PCNX1: variants seen among roughly 807,000 people sequenced by gnomAD.
PCNX1 encodes the protein pecanex-like protein 1.
PCNX1 carries 78 observed loss-of-function variants against 242.2 expected under a neutral mutation model. The observed-to-expected ratio is 0.32, with a 90% CI of 0.27 to 0.39. The LOEUF (loss-of-function observed/expected upper bound fraction) is 0.39. Among genes scored for constraint, PCNX1 ranks in the 10% least tolerant of loss-of-function variants. The pLI, the probability that PCNX1 is intolerant of heterozygous loss-of-function variation, is 1.00. For missense variants in PCNX1, 2,581 were observed against 2,856.5 expected (o/e 0.90, Z 2.20); for synonymous variants, 1,024 against 1,032.9 (o/e 0.99, Z 0.17).
Position 71,089,350 on chromosome 14 carries a change from G to A in PCNX1, c.5589+8G>A, listed in dbSNP as rs1215593694. Reference sequence around the variant, plus strand: ...TCCATTAAACTTCATCAGGTAAGAAGATGAGATTTTTCTAATTCATTACTG... The same window carrying A: ...TCCATTAAACTTCATCAGGTAAGAAAATGAGATTTTTCTAATTCATTACTG... On this transcript the variant is annotated splice_region_variant and intron_variant, in intron 30 of 35. Transcript: ENST00000304743. The A allele has an allele frequency of 6.2e-7, 1 of 1,603,668 alleles. No homozygotes were observed. The highest frequency in any genetic ancestry group is 8.5e-7 in the Non-Finnish European group (1 of 1,173,374).
At chr14:70,968,938 G>A (rs2058459797) in intron 4 of PCNX1, 83 bp from the exon 5 acceptor site, 2 of 760,750 alleles carry the variant, frequency 2.6e-6, no homozygotes, top group Non-Finnish European at 2.3e-6. Context: ...AGTACTCCTT[G>A]ATGTATTAAT....
chr14:70,908,070 G>T, intron 1 of PCNX1, 67 bp downstream of exon 1: 1 of 1,435,552 alleles, frequency 7.0e-7, no homozygotes. Context: ...CTGGGGTCGC[G>T]CCCTCTTCCT....
intron 19 of PCNX1, among the ~76,000 whole-genome samples, chr14:71,039,375 C>T (rs903506055): frequency 1.3e-5 from 2 of 152,200 alleles, no homozygotes; most frequent in Non-Finnish European, 2.9e-5. Flanking sequence ...TTACATGCCT[C>T]AGTTCCTTCT....
chr14:71,077,086 G>A (rs2061736200), intron 28 of PCNX1, among the ~76,000 whole-genome samples: 1 of 152,156 alleles, frequency 6.6e-6, no homozygotes, highest in African/African-American at 2.4e-5. Flanking sequence ...CTCTGATCTA[G>A]GTCTAGGCTG....
intron 11 of PCNX1, among the ~76,000 whole-genome samples, chr14:71,016,834 C>T (rs2059973720): frequency 6.6e-6 from 1 of 151,872 alleles, no homozygotes; most frequent in South Asian, 2.1e-4. Flanking sequence ...CACATAAGCC[C>T]AAGTAAACAA....
intron 26 of PCNX1, among the ~76,000 whole-genome samples, chr14:71,060,050 C>T (rs909783035): frequency 3.9e-5 from 6 of 152,174 alleles, no homozygotes; most frequent in Non-Finnish European, 7.3e-5. Context: ...ACCTATCCCA[C>T]GTGATTATCT....
chr14:70,980,673 T>G (rs2058811736), intron 6 of PCNX1, among the ~76,000 whole-genome samples: 1 of 152,124 alleles, frequency 6.6e-6, no homozygotes, highest in Non-Finnish European at 1.5e-5. Flanking sequence ...GGGATTTGTT[T>G]TGGTTCTTAT....
intron 26 of PCNX1, among the ~76,000 whole-genome samples, chr14:71,064,497 A>G (rs2061400481): frequency 6.6e-6 from 1 of 152,194 alleles, no homozygotes; most frequent in South Asian, 2.1e-4. Context: ...ACTAACAGTG[A>G]TCTGCACAAA....
intron 1 of PCNX1, among the ~76,000 whole-genome samples, chr14:70,938,516 G>T (rs1259130178): frequency 1.3e-5 from 2 of 152,164 alleles, no homozygotes; most frequent in Non-Finnish European, 2.9e-5. Flanking sequence ...TTGATGTGCT[G>T]CTGGATTCGG....
In PCNX1 at chr14:70,977,584, A is replaced by G. The variant is rs1317317467; in HGVS notation, c.1247A>G (p.Glu416Gly). The G allele has an allele frequency of 6.2e-7, 1 of 1,614,096 alleles. No homozygotes were observed. The highest frequency in any genetic ancestry group is 8.5e-7 in the Non-Finnish European group (1 of 1,180,048). The change falls in exon 6 of 36, where the codon GAG becomes GGG. Residue 416 changes from glutamate (E) to glycine (G), a missense_variant. By Grantham distance (98) the Glu-to-Gly change is moderately conservative. This residue lies in a region of PCNX1 where 1,204 missense variants were observed against 1,216.7 expected (regional missense o/e 0.99). Coordinates refer to ENST00000304743, the MANE Select transcript of PCNX1 (RefSeq NM_014982.3). ...ACTCACATAGAGAGCATCCTGTCAG[A>G]GCATGAGGAGTCTCCTAAAGCAGGA... ...SSTHIESILS[E>G]HEESPKAGTK...
chr14:71,108,083 C>CT (rs1156591835), intron 33 of PCNX1, among the ~76,000 whole-genome samples: 1 of 152,160 alleles, frequency 6.6e-6, no homozygotes, highest in African/African-American at 2.4e-5. Context: ...ACTCTGTACC[C>CT]TTTGACCAAC....
intron 21 of PCNX1, 139 bp from the exon 22 acceptor site, chr14:71,047,668 T>C: frequency 1.6e-6 from 1 of 612,630 alleles, no homozygotes; most frequent in Non-Finnish European, 2.8e-6. Flanking sequence ...TTTACCTAGC[T>C]CTATACATCA....
In PCNX1 at chr14:71,112,282, T is replaced by G. The variant is rs756888209; in HGVS notation, c.*2347T>G. 9 of 152,116 alleles carry G rather than the reference T, an allele frequency of 5.9e-5. No homozygotes were observed. Among genetic ancestry groups the G allele is most frequent in the Non-Finnish European group, 1.2e-4 (8 of 67,944 alleles). 9.4% of individuals were successfully genotyped at this position (152,116 alleles called of 1,614,324 possible). On this transcript the variant is annotated 3_prime_UTR_variant, in exon 36 of 36. Transcript: ENST00000304743. ...ATCACATACTCTGAAAAGTCAGATTTCAAATGCAAGACTAGACTTTATATG... is the reference window on the plus strand; with the variant it reads ...ATCACATACTCTGAAAAGTCAGATTGCAAATGCAAGACTAGACTTTATATG...
At chr14:71,052,636 A>G (rs61990412) in intron 24 of PCNX1, among the ~76,000 whole-genome samples, 2,166 of 152,314 alleles carry the variant, frequency 0.014, 24 homozygotes, top group Middle Eastern at 0.034. Flanking sequence ...TTTATGCTAT[A>G]TAATATCGTT....
intron 2 of PCNX1, among the ~76,000 whole-genome samples, chr14:70,949,222 GATAT>G (rs1218471471): frequency 2.4e-4 from 30 of 125,000 alleles, no homozygotes; most frequent in African/African-American, 8.3e-4. Flanking sequence ...TGTATATATA[GATAT>G]ATGTATGTGT....
At chr14:70,924,244 AAAAAAG>A (rs2056497333) in intron 1 of PCNX1, among the ~76,000 whole-genome samples, 1 of 151,606 alleles carries the variant, frequency 6.6e-6, no homozygotes, top group East Asian at 1.9e-4. Flanking sequence ...AAAAAAAAAA[AAAAAAG>A]AAAAAGAAAA....
chr14:70,979,963 CTT>C (rs372868612), intron 6 of PCNX1, among the ~76,000 whole-genome samples: 11 of 136,554 alleles, frequency 8.1e-5, no homozygotes, highest in Non-Finnish European at 9.6e-5. Flanking sequence ...ATAGTTCTCT[CTT>C]TTTTTTTTTT....
intron 11 of PCNX1, among the ~76,000 whole-genome samples, chr14:71,015,809 A>G (rs938654417): frequency 6.6e-6 from 1 of 152,210 alleles, no homozygotes; most frequent in Non-Finnish European, 1.5e-5. Context: ...ACATGACAAG[A>G]TGATAGAGTC....
chr14:70,973,689 TATTATCC>T (rs1428349892), intron 5 of PCNX1, among the ~76,000 whole-genome samples: 2 of 152,088 alleles, frequency 1.3e-5, no homozygotes, highest in Non-Finnish European at 2.9e-5. Flanking sequence ...TATAATTGAT[TATTATCC>T]ATAATCAATT....
Sources: allele counts gnomAD v4.1 joint callset (sites outside exome capture counted in the v4.1 genomes callset), GRCh38; gene constraint gnomAD v4.1.1; regional missense constraint gnomAD v4.1.1; transcripts MANE v1.5; gene names NCBI Gene and HGNC (gene_info 2026-07-23, HGNC 2026-07-21).